Variants in MEF2A observed in about 807,000 individuals in gnomAD.
MEF2A encodes myocyte enhancer factor 2A, also known as myocyte-specific enhancer factor 2A.
A neutral mutation model predicts 55.8 loss-of-function variants in MEF2A; 28 were observed. The ratio of observed to expected loss-of-function variants is 0.50; its 90% CI spans 0.37 to 0.69. The LOEUF is 0.69. Ranked by LOEUF, MEF2A falls within the 30% of genes least tolerant of loss-of-function variation. MEF2A has a pLI of 0.00. For missense variants in MEF2A, 528 were observed against 626.2 expected (o/e 0.84, Z 1.67); for synonymous variants, 239 against 227.1 (o/e 1.05, Z -0.47).
intron 1 of MEF2A, among the ~76,000 whole-genome samples, chr15:99,595,653 G>T (rs1223301414): frequency 1.3e-5 from 2 of 152,154 alleles, no homozygotes; most frequent in African/African-American, 2.4e-5. Flanking sequence ...AAAGCATATG[G>T]TATAATAGAG....
At chr15:99,651,886 G>A (rs2046904215) in intron 4 of MEF2A, among the ~76,000 whole-genome samples, 1 of 152,102 alleles carries the variant, frequency 6.6e-6, no homozygotes, top group Non-Finnish European at 1.5e-5. Flanking sequence ...AGGAAAAGAT[G>A]ATAGATATCA....
chr15:99,691,234 C>T lies in MEF2A; in HGVS notation c.858+806C>T, dbSNP rs978533501. On this transcript the variant is annotated intron_variant, in intron 8 of 11. Transcript: ENST00000557942. ...GGATTCAAACAAAGAGGAAACCCCT[C>T]GAATGAGTTTTTAAAAAGTAAAATA... is the stretch of plus-strand genomic sequence containing the variant. 1.1e-4 allele frequency among the ~76,000 whole-genome samples: 16 copies of T among 151,142 alleles called. No homozygotes were observed. The East Asian group carries it at 1.9e-3, about 18-fold the overall frequency.
intron 4 of MEF2A, among the ~76,000 whole-genome samples, chr15:99,660,168 A>T (rs2048390266): frequency 6.6e-6 from 1 of 152,150 alleles, no homozygotes; most frequent in African/African-American, 2.4e-5. Context: ...ATATTAGTCT[A>T]CTTCGTGTTC....
chr15:99,652,514 A>T (rs895473351), intron 4 of MEF2A, among the ~76,000 whole-genome samples: 5 of 152,162 alleles, frequency 3.3e-5, no homozygotes, highest in Non-Finnish European at 5.9e-5. Flanking sequence ...TCTAGGTCAG[A>T]GGGGCAGCTT....
Position 99,586,226 on chromosome 15 carries a change from G to A in MEF2A, c.-224-12204G>A, listed in dbSNP as rs182389348. Among the ~76,000 whole-genome samples, 93 of 152,226 alleles carry A rather than the reference G, an allele frequency of 6.1e-4. 1 individual carries two copies. The highest frequency in any genetic ancestry group is 1.6e-3 in the African/African-American group (65 of 41,544). Reference sequence around the variant, plus strand: ...GGGATTTCTGGGTCACATGGTATATGTATCTTTTATTTCATAAGAAACTGT... The same window carrying A: ...GGGATTTCTGGGTCACATGGTATATATATCTTTTATTTCATAAGAAACTGT... On this transcript the variant is annotated intron_variant, in intron 1 of 11. Transcript: ENST00000557942.
intron 2 of MEF2A, among the ~76,000 whole-genome samples, chr15:99,629,961 G>A (rs2042682906): frequency 1.3e-5 from 2 of 151,364 alleles, no homozygotes; most frequent in Non-Finnish European, 1.5e-5. Context: ...ATCTCTCTTT[G>A]GGGGTGGGGG....
In MEF2A at chr15:99,712,541, C is replaced by T; in HGVS notation, c.1288C>T (p.Pro430Ser). Residue 430 changes from proline (P) to serine (S), a missense_variant, in exon 12 of 12, where the codon CCG becomes TCG. By Grantham distance (74) the Pro-to-Ser change is moderately conservative. Around this residue, in one of 2 missense-constraint regions of MEF2A, gnomAD observed 450 missense variants for 475.3 expected, o/e 0.95. Transcript: ENST00000557942. This position sits in a 1 kb window ranked among gnomAD's most constrained non-coding sequence, Gnocchi z 4.1. ...QQQQQQQQQPPPPPQPQPQPP... is the reference protein window; with the variant it reads ...QQQQQQQQQPSPPPQPQPQPP... ...GCAGCAGCAGCAGCAGCAGCAGCCGCCGCCACCACCGCAGCCCCAGCCACA... is the reference window on the plus strand; with the variant it reads ...GCAGCAGCAGCAGCAGCAGCAGCCGTCGCCACCACCGCAGCCCCAGCCACA... 4 of 1,551,140 alleles carry T rather than the reference C, an allele frequency of 2.6e-6. No homozygotes were observed. Among genetic ancestry groups the T allele is most frequent in the Non-Finnish European group, 2.6e-6 (3 of 1,146,814 alleles).
At chr15:99,602,653 G>GTGTGTGTGT (rs1555454715) in intron 2 of MEF2A, among the ~76,000 whole-genome samples, 11 of 44,870 alleles carry the variant, frequency 2.5e-4, no homozygotes, top group East Asian at 8.7e-4. Context: ...ACATTCCTGG[G>GTGTGTGTGT]GTGTGTGTGT....
chr15:99,592,015 A>T (rs1454909606), intron 1 of MEF2A, among the ~76,000 whole-genome samples: 1 of 152,016 alleles, frequency 6.6e-6, no homozygotes, highest in East Asian at 1.9e-4. Flanking sequence ...GTAAGTTTTG[A>T]TTGACTCCTG....
chr15:99,708,385 G>C (rs1268412071), intron 10 of MEF2A, among the ~76,000 whole-genome samples: 1 of 152,186 alleles, frequency 6.6e-6, no homozygotes, highest in African/African-American at 2.4e-5. Flanking sequence ...AGGTTTTTCA[G>C]TATACTTAGA....
At chr15:99,691,123 G>A (rs1404422168) in intron 8 of MEF2A, among the ~76,000 whole-genome samples, 3 of 126,248 alleles carry the variant, frequency 2.4e-5, no homozygotes, top group East Asian at 2.3e-4. Context: ...TTTTTGAGTC[G>A]TTTTAAGGAG....
In MEF2A at chr15:99,699,398, A is replaced by C. The variant is rs1597254742; in HGVS notation, c.859-3964A>C. ...TGGCTGCCATGGGTTGGGAGTGGAG[A>C]GAGGAGTTGACTATAAAGGGTTAAT... On this transcript the variant is annotated intron_variant, in intron 8 of 11. Transcript: ENST00000557942. Among the ~76,000 whole-genome samples the C allele has an allele frequency of 2.0e-5, 3 of 152,264 alleles. No homozygotes were observed. In the South Asian group the frequency reaches 6.2e-4, roughly 32 times the overall value.
chr15:99,618,330 A>G (rs999556382), intron 2 of MEF2A, among the ~76,000 whole-genome samples: 1 of 152,166 alleles, frequency 6.6e-6, no homozygotes, highest in Admixed American at 6.5e-5. Flanking sequence ...CACAAAAGAG[A>G]GAGGCCAAGA....
chr15:99,673,734 T>G (rs752408932), intron 5 of MEF2A, among the ~76,000 whole-genome samples: 36 of 152,198 alleles, frequency 2.4e-4, no homozygotes, highest in Non-Finnish European at 4.6e-4. Context: ...TTATACAATT[T>G]AAAGAAGATA....
At chr15:99,601,314 A>G (rs903611585) in intron 2 of MEF2A, among the ~76,000 whole-genome samples, 2 of 118,312 alleles carry the variant, frequency 1.7e-5, no homozygotes, top group Admixed American at 8.1e-5. Flanking sequence ...TGTGTAGATC[A>G]TTATCTTCTC....
At chr15:99,641,073 G>A (rs1412006013) in intron 3 of MEF2A, among the ~76,000 whole-genome samples, 1 of 152,154 alleles carries the variant, frequency 6.6e-6, no homozygotes, top group Non-Finnish European at 1.5e-5. Flanking sequence ...TGGGTTAGCG[G>A]GTCCCAGCCG....
intron 4 of MEF2A, among the ~76,000 whole-genome samples, chr15:99,648,091 C>T (rs2046270615): frequency 6.6e-6 from 1 of 152,174 alleles, no homozygotes; most frequent in Admixed American, 6.5e-5. Context: ...TACAGGATAA[C>T]AGTAATGAAG....
chr15:99,594,191 C>T (rs972766156), intron 1 of MEF2A, among the ~76,000 whole-genome samples: 2 of 152,172 alleles, frequency 1.3e-5, no homozygotes, highest in African/African-American at 4.8e-5. Context: ...TACTTCTGAT[C>T]AATTGGCTGT....
At chr15:99,633,383 A>C (rs2043236219) in intron 3 of MEF2A, among the ~76,000 whole-genome samples, 1 of 152,072 alleles carries the variant, frequency 6.6e-6, no homozygotes, top group Non-Finnish European at 1.5e-5. Context: ...TGTCACCAAA[A>C]ATATAGATAC....
Sources: gnomAD v4.1 joint callset for allele counts (sites outside exome capture counted in the v4.1 genomes callset) on GRCh38, gnomAD v4.1.1 for gene constraint, gnomAD v4.1.1 regional missense constraint, Gnocchi (gnomAD v3.1) non-coding constraint, MANE v1.5 for transcripts, NCBI Gene and HGNC (gene_info 2026-07-23, HGNC 2026-07-21) for gene names.